The following RAB37 variants were observed in gnomAD, a reference collection of about 807,000 sequenced individuals.
The protein encoded by RAB37 is RAB37, member RAS oncogene family.
RAB37 carries 29 observed loss-of-function variants against 33.1 expected under a neutral mutation model. That is an observed-to-expected ratio of 0.88 (90% confidence interval 0.65 to 1.20). The LOEUF is 1.20. Among genes scored for constraint, RAB37 ranks in the 50% most tolerant of loss-of-function variants. RAB37 has a pLI of 0.00. For synonymous variants in RAB37, 128 were observed against 119.5 expected, an observed-to-expected ratio of 1.07 and a Z score of -0.47; for missense variants, 299 against 301.1, an observed-to-expected ratio of 0.99 and a Z score of 0.05.
At chr17:74,728,522 TTC>T (rs928218440) in intron 1 of RAB37, among the ~76,000 whole-genome samples, 14 of 151,896 alleles carry the variant, frequency 9.2e-5, no homozygotes, top group African/African-American at 2.9e-4. Context: ...GCATGTGTGT[TTC>T]TCTGTGTGTG....
At chr17:74,696,468 C>T (rs1297250546) in intron 1 of RAB37, among the ~76,000 whole-genome samples, 1 of 152,226 alleles carries the variant, frequency 6.6e-6, no homozygotes, top group Non-Finnish European at 1.5e-5. Flanking sequence ...CATCATAGAA[C>T]TGTGCACTCA....
At chr17:74,698,124 G>A (rs2032678686) in intron 1 of RAB37, among the ~76,000 whole-genome samples, 1 of 152,202 alleles carries the variant, frequency 6.6e-6, no homozygotes, top group Admixed American at 6.5e-5. Context: ...CAGGGAGGTG[G>A]ATCAGAGAGA....
At chr17:74,724,208 A>G (rs1218517377) in intron 1 of RAB37, among the ~76,000 whole-genome samples, 1 of 152,234 alleles carries the variant, frequency 6.6e-6, no homozygotes, top group Non-Finnish European at 1.5e-5. Context: ...GACATGAGAC[A>G]TCAATCAAGA....
In RAB37 at chr17:74,695,058, T is replaced by C. The variant is rs1191711305; in HGVS notation, c.72+23400T>C. 6 of 1,595,418 alleles carry C rather than the reference T, an allele frequency of 3.8e-6. No homozygotes were observed. In the African/African-American group the frequency reaches 4.0e-5, roughly 11 times the overall value. On this transcript the variant is annotated intron_variant, in intron 1 of 7. Coordinates refer to the RAB37 transcript ENST00000340415. The stretch of plus-strand genomic sequence containing the variant: ...GACGGTCGATGAGGCAGGAGTGTGC[T>C]CACAGCCTGGGGTCCAAGAAGGAGC...
chr17:74,695,170 C>A, intron 1 of RAB37: 1 of 1,614,130 alleles, frequency 6.2e-7, no homozygotes, highest in South Asian at 1.1e-5. Context: ...CTGAGGTGGC[C>A]CATGTTGCAG....
intron 1 of RAB37, chr17:74,705,393 A>G (rs1598260742): frequency 1.8e-6 from 1 of 543,110 alleles, no homozygotes; most frequent in East Asian, 2.9e-5. Context: ...GGATCCATAC[A>G]ACACAGATCC....
At chr17:74,683,046 T>A (rs8081083) in intron 1 of RAB37, among the ~76,000 whole-genome samples, 1,577 of 152,290 alleles carry the variant, frequency 0.01, 11 homozygotes, top group Admixed American at 0.017. Context: ...TAATGAGAAG[T>A]GCCTGAAAAG....
chr17:74,740,205 T>A (rs1234901561), intron 1 of RAB37, among the ~76,000 whole-genome samples: 1 of 149,352 alleles, frequency 6.7e-6, no homozygotes, highest in African/African-American at 2.5e-5. Flanking sequence ...ATAAATGTTG[T>A]GACACAAAAA....
chr17:74,705,375 G>A, intron 1 of RAB37: 1 of 645,678 alleles, frequency 1.5e-6, no homozygotes, highest in East Asian at 2.8e-5. Context: ...TGGTCTCCAT[G>A]TGCTATAGGA....
In RAB37 at chr17:74,742,185, C is replaced by A; in HGVS notation, c.205-69C>A. 1 of 1,581,782 alleles carries A rather than the reference C, an allele frequency of 6.3e-7. No individual in the cohort carries two copies. ...CTCTAGGCCTGGAGAGGGAACAAGA[C>A]AGGACGTCTGCAGAGCTGAGGAGCC... On this transcript the variant is annotated intron_variant, in intron 2 of 8. Coordinates refer to ENST00000392613, the MANE Select transcript of RAB37 (RefSeq NM_001006638.3). This position sits in a 1 kb window ranked among gnomAD's most constrained non-coding sequence, Gnocchi z 4.0.
upstream of RAB37, chr17:74,737,037 G>A (rs752805663): frequency 1.1e-5 from 18 of 1,607,364 alleles, no homozygotes; most frequent in Non-Finnish European, 1.2e-5. Context: ...AGCGCACGGA[G>A]CCGAGCCGGT....
rs758515644 is a variant in RAB37, at chr17:74,745,137, G to A, written c.566+53G>A. On this transcript the variant is annotated intron_variant, in intron 8 of 8. Transcript: ENST00000392613. The surrounding 1 kb of genome is among the most constrained non-coding windows in gnomAD (Gnocchi z 4.5). Reference sequence around the variant, plus strand: ...TGCGGGGCAGGGCGGCACACTCCAGGAATCCAGTAGGGCCCGGCCCCTGGC... The same window carrying A: ...TGCGGGGCAGGGCGGCACACTCCAGAAATCCAGTAGGGCCCGGCCCCTGGC... The A allele has an allele frequency of 1.9e-6, 3 of 1,595,382 alleles. No individual in the cohort carries two copies.
chr17:74,679,254 G>A (rs2031904623), intron 1 of RAB37, among the ~76,000 whole-genome samples: 2 of 152,134 alleles, frequency 1.3e-5, no homozygotes, highest in Admixed American at 6.6e-5. Flanking sequence ...ACCCCTAGGG[G>A]AGAGTCAGGA....
chr17:74,739,205 T>A (rs1011049441), intron 1 of RAB37, among the ~76,000 whole-genome samples: 1 of 152,208 alleles, frequency 6.6e-6, no homozygotes, highest in Non-Finnish European at 1.5e-5. Context: ...TTAAGCCACC[T>A]AACCAGCAGC....
chr17:74,736,657 T>C (rs1275984100), upstream of RAB37: 1 of 1,535,266 alleles, frequency 6.5e-7, no homozygotes, highest in Non-Finnish European at 8.7e-7. Flanking sequence ...AAATGAGAGG[T>C]GATCCATACT....
chr17:74,724,221 T>C (rs1317150668), intron 1 of RAB37, among the ~76,000 whole-genome samples: 1 of 152,142 alleles, frequency 6.6e-6, no homozygotes, highest in Non-Finnish European at 1.5e-5. Context: ...AATCAAGATA[T>C]GTTAAGAAGT....
chr17:74,720,176 A>T (rs958610968), intron 1 of RAB37, among the ~76,000 whole-genome samples: 2 of 152,058 alleles, frequency 1.3e-5, no homozygotes, highest in African/African-American at 4.8e-5. Flanking sequence ...ACTTGCTCGA[A>T]CCCACTGGGT....
At chr17:74,717,681 T>G (rs1346534397) in intron 1 of RAB37, among the ~76,000 whole-genome samples, 1 of 151,698 alleles carries the variant, frequency 6.6e-6, no homozygotes, top group Non-Finnish European at 1.5e-5. Flanking sequence ...ATGTGGTGCA[T>G]GCCTGTAATC....
intron 1 of RAB37, among the ~76,000 whole-genome samples, chr17:74,680,521 T>C (rs2031932221): frequency 6.6e-6 from 1 of 152,178 alleles, no homozygotes; most frequent in South Asian, 2.1e-4. Flanking sequence ...TTCAAATGTT[T>C]AATGCTATCA....
Sources: allele counts gnomAD v4.1 joint callset (sites outside exome capture counted in the v4.1 genomes callset), GRCh38; gene constraint gnomAD v4.1.1; non-coding constraint Gnocchi (gnomAD v3.1); transcripts MANE v1.5; gene names NCBI Gene and HGNC (gene_info 2026-07-23, HGNC 2026-07-21).